Variants in MZT1 observed in about 807,000 individuals in gnomAD.
MZT1 encodes the protein mitotic-spindle organizing protein 1.
A neutral mutation model predicts 8.5 loss-of-function variants in MZT1; 8 were observed. The ratio of observed to expected loss-of-function variants is 0.94; its 90% CI spans 0.55 to 1.70. The LOEUF (loss-of-function observed/expected upper bound fraction) is 1.70. Among genes scored for constraint, MZT1 ranks in the 40% most tolerant of loss-of-function variants. The probability of loss-of-function intolerance (pLI) is 0.00; values close to 1 mark genes in which losing one functional copy is unlikely to be tolerated. For missense variants in MZT1, 93 were observed against 108.6 expected (o/e 0.86, Z 0.64); for synonymous variants, 38 against 42.0 (o/e 0.90, Z 0.37).
At chr13:72,712,681 A>G (rs1159332325) in intron 2 of MZT1, among the ~76,000 whole-genome samples, 1 of 152,188 alleles carries the variant, frequency 6.6e-6, no homozygotes, top group Non-Finnish European at 1.5e-5. Context: ...TTAAATTGGC[A>G]TTTCTGAACT....
Position 72,719,029 on chromosome 13 carries a change from G to T in MZT1, c.148C>A (p.Leu50Ile). ...DMETLSICVR[L>I]CEQGINPEAL... Reference sequence around the variant, plus strand: ...TCTGGGTTAATTCCTTGTTCACAAAGCCGTACACAAATAGACAGAGTTTCC... The same window carrying T: ...TCTGGGTTAATTCCTTGTTCACAAATCCGTACACAAATAGACAGAGTTTCC... Residue 50 changes from leucine to isoleucine, a missense_variant, in exon 2 of 3, where the codon CTT becomes ATT. Physicochemically the swap from Leu to Ile is conservative, Grantham distance 5 (BLOSUM62 2). Coordinates refer to ENST00000377818, the MANE Select transcript of MZT1 (RefSeq NM_001071775.3). 1 of 1,594,222 alleles carries T rather than the reference G, an allele frequency of 6.3e-7. No homozygotes were observed.
At chr13:72,719,241 AC>A in intron 1 of MZT1, 144 bp from the exon 2 acceptor site, 4 of 573,916 alleles carry the variant, frequency 7.0e-6, no homozygotes, top group Non-Finnish European at 1.1e-5. Flanking sequence ...TGCATGTAAT[AC>A]TTTCTTGCCT....
chr13:72,723,132 C>A (rs547945470), intron 1 of MZT1, among the ~76,000 whole-genome samples: 1 of 152,124 alleles, frequency 6.6e-6, no homozygotes, highest in African/African-American at 2.4e-5. Flanking sequence ...GGTAGACCCC[C>A]CCACGTATAA....
intron 2 of MZT1, among the ~76,000 whole-genome samples, chr13:72,712,592 T>C (rs1018940336): frequency 6.6e-6 from 1 of 152,224 alleles, no homozygotes; most frequent in Non-Finnish European, 1.5e-5. Context: ...GTATCTTAAT[T>C]ACTGATTTTA....
chr13:72,713,334 G>A (rs949764089), intron 2 of MZT1, among the ~76,000 whole-genome samples: 1 of 152,298 alleles, frequency 6.6e-6, no homozygotes, highest in East Asian at 1.9e-4. Context: ...TGGAAAATTT[G>A]CATTGAAGTT....
At chr13:72,724,744 A>AGTGTGTG (rs1566214905) in intron 1 of MZT1, among the ~76,000 whole-genome samples, 8 of 21,232 alleles carry the variant, frequency 3.8e-4, no homozygotes, top group African/African-American at 6.4e-4. Context: ...ATATATACAC[A>AGTGTGTG]TATATATATG....
intron 2 of MZT1, among the ~76,000 whole-genome samples, chr13:72,713,897 C>T (rs1195256446): frequency 1.3e-5 from 2 of 152,192 alleles, no homozygotes; most frequent in African/African-American, 4.8e-5. Context: ...GCCTGTAGAA[C>T]ATACGGTCTG....
At chr13:72,723,411 C>T (rs2032608688) in intron 1 of MZT1, among the ~76,000 whole-genome samples, 1 of 152,178 alleles carries the variant, frequency 6.6e-6, no homozygotes, top group African/African-American at 2.4e-5. Flanking sequence ...GCCGCAAAAT[C>T]CAAAACTTAT....
chr13:72,721,319 ATCCAATG>A (rs1036715955), intron 1 of MZT1, among the ~76,000 whole-genome samples: 12 of 152,202 alleles, frequency 7.9e-5, no homozygotes, highest in African/African-American at 2.9e-4. Context: ...TGAGTACTGT[ATCCAATG>A]TCTTATGAAT....
chr13:72,713,557 T>C (rs1409098437), intron 2 of MZT1, among the ~76,000 whole-genome samples: 2 of 152,240 alleles, frequency 1.3e-5, no homozygotes, highest in Admixed American at 6.5e-5. Flanking sequence ...GTTGTTATCC[T>C]GTATTGTTTA....
intron 1 of MZT1, among the ~76,000 whole-genome samples, chr13:72,724,175 A>C (rs937625247): frequency 6.6e-6 from 1 of 152,338 alleles, no homozygotes; most frequent in African/African-American, 2.4e-5. Context: ...AGAACTGTGG[A>C]AAGCTACTGG....
intron 1 of MZT1, among the ~76,000 whole-genome samples, chr13:72,725,310 G>C (rs970575728): frequency 1.3e-5 from 2 of 152,114 alleles, no homozygotes; most frequent in African/African-American, 4.8e-5. Flanking sequence ...GATGAAAGCA[G>C]AGATCTCATG....
intron 2 of MZT1, among the ~76,000 whole-genome samples, chr13:72,711,951 A>C (rs2032492798): frequency 6.6e-6 from 1 of 152,156 alleles, no homozygotes; most frequent in Non-Finnish European, 1.5e-5. Context: ...TAACACTTTT[A>C]TTTTTAAAAT....
At position 72,710,135 on chromosome 13, in the gene MZT1, A is replaced by T; in HGVS notation, c.*187T>A. On this transcript the variant is annotated 3_prime_UTR_variant, in exon 3 of 3. Coordinates refer to ENST00000377818, the MANE Select transcript of MZT1 (RefSeq NM_001071775.3). The stretch of plus-strand genomic sequence containing the variant: ...AGTGAATAAGATGTGATGTAAACAC[A>T]TCTGATAGTTCTCTCTGTAAGCCAC... The T allele has an allele frequency of 1.7e-6, 1 of 603,090 alleles. No homozygotes were observed. Among genetic ancestry groups the T allele is most frequent in the East Asian group, 2.8e-5 (1 of 35,280 alleles). The allele number at this position is 603,090 out of a possible 1,614,324, so 37.4% of individuals were successfully genotyped here. A position where few individuals can be genotyped will look rare whatever the true frequency, so the allele number is the denominator to read the frequency against.
At chr13:72,717,337 C>CTTT (rs1172063809) in intron 2 of MZT1, among the ~76,000 whole-genome samples, 4 of 110,984 alleles carry the variant, frequency 3.6e-5, no homozygotes, top group African/African-American at 9.4e-5. Flanking sequence ...CTGTCACTTT[C>CTTT]TTTTTTTTTT....
chr13:72,716,984 C>T (rs1293902855), intron 2 of MZT1, among the ~76,000 whole-genome samples: 3 of 152,156 alleles, frequency 2.0e-5, no homozygotes, highest in African/African-American at 7.2e-5. Flanking sequence ...TGATAGCCTT[C>T]TTTCACTTCA....
intron 2 of MZT1, among the ~76,000 whole-genome samples, chr13:72,713,247 A>G (rs886579178): frequency 2.0e-5 from 3 of 152,184 alleles, no homozygotes; most frequent in Non-Finnish European, 2.9e-5. Flanking sequence ...AACTACTAAT[A>G]GTAGCATAGG....
At chr13:72,713,753 G>A (rs1328870545) in intron 2 of MZT1, among the ~76,000 whole-genome samples, 1 of 152,174 alleles carries the variant, frequency 6.6e-6, no homozygotes, top group Admixed American at 6.5e-5. Flanking sequence ...ATGTTCCAGT[G>A]AGGATTTCCT....
At chr13:72,725,966 G>A (rs1355368511) in intron 1 of MZT1, among the ~76,000 whole-genome samples, 1 of 151,860 alleles carries the variant, frequency 6.6e-6, no homozygotes, top group African/African-American at 2.4e-5. Flanking sequence ...TTGATACATC[G>A]AAAAGGATAG....
Sources: gnomAD v4.1 joint callset for allele counts (sites outside exome capture counted in the v4.1 genomes callset) on GRCh38, gnomAD v4.1.1 for gene constraint, MANE v1.5 for transcripts, NCBI Gene and HGNC (gene_info 2026-07-23, HGNC 2026-07-21) for gene names.